Variants in CCDC102B observed in about 807,000 individuals in gnomAD.
CCDC102B encodes the protein coiled-coil domain containing 102B.
In CCDC102B, 75 loss-of-function variants were observed where a neutral mutation model predicts 57.4. The observed-to-expected ratio is 1.31, with a 90% CI of 1.08 to 1.58. The LOEUF (loss-of-function observed/expected upper bound fraction) is 1.58, where lower values mean the gene tolerates loss of function less well. Among genes scored for constraint, CCDC102B ranks in the 40% most tolerant of loss-of-function variants. The pLI is 0.00. For missense variants in CCDC102B, 636 were observed against 582.6 expected, an observed-to-expected ratio of 1.09 and a Z score of -0.94; for synonymous variants, 206 against 201.9, an observed-to-expected ratio of 1.02 and a Z score of -0.17.
intron 1 of CCDC102B, among the ~76,000 whole-genome samples, chr18:68,806,924 T>C (rs545094286): frequency 6.6e-6 from 1 of 152,278 alleles, no homozygotes; most frequent in East Asian, 1.9e-4. Context: ...TAACTACATC[T>C]GATAGGTGAC....
chr18:68,882,533 T>A (rs974344885), intron 5 of CCDC102B, among the ~76,000 whole-genome samples: 1 of 152,238 alleles, frequency 6.6e-6, no homozygotes, highest in Admixed American at 6.5e-5. Context: ...TTGATAGAAA[T>A]TGGATTAAGT....
intron 5 of CCDC102B, among the ~76,000 whole-genome samples, chr18:68,876,708 G>T: frequency 6.6e-6 from 1 of 152,160 alleles, no homozygotes. Context: ...GGTTAATTCA[G>T]AAGACTGTTA....
At chr18:68,834,432 CAT>C (rs67872866) in intron 1 of CCDC102B, among the ~76,000 whole-genome samples, 19,196 of 137,648 alleles carry the variant, frequency 0.14, 1,385 homozygotes, top group East Asian at 0.32. Context: ...TATGTAAATA[CAT>C]ATATATATAT....
chr18:69,003,479 T>C (rs141705051), intron 6 of CCDC102B, among the ~76,000 whole-genome samples: 1 of 152,230 alleles, frequency 6.6e-6, no homozygotes, highest in African/African-American at 2.4e-5. Context: ...TTTGTGATTA[T>C]AAAATAGCAA....
chr18:68,919,001 C>T (rs1160926801), intron 6 of CCDC102B, among the ~76,000 whole-genome samples: 1 of 152,020 alleles, frequency 6.6e-6, no homozygotes, highest in African/African-American at 2.4e-5. Flanking sequence ...ATTATCACAT[C>T]TATGTGCACA....
chr18:69,025,586 T>A (rs1327520428), intron 7 of CCDC102B, among the ~76,000 whole-genome samples: 1 of 152,224 alleles, frequency 6.6e-6, no homozygotes, highest in Non-Finnish European at 1.5e-5. Flanking sequence ...GCAAGTCATA[T>A]TTTATTTCTG....
In CCDC102B at chr18:68,837,360, A is replaced by AAATAT. The variant is rs777606719; in HGVS notation, c.601_602insTAATA (p.Asn201IlefsTer13). ...GACAATTTTCTACAAAGGAGGACAC[A>AAATAT]AATAATAAGGTAAGAAAAAAATCCA... On this transcript the variant is annotated frameshift_variant, in exon 2 of 8. Transcript: ENST00000360242. LOFTEE classifies it high-confidence loss of function. 1.5e-5 allele frequency: 24 copies of AAATAT among 1,605,898 alleles called. No individual in the cohort carries two copies. Among genetic ancestry groups the AAATAT allele is most frequent in the Non-Finnish European group, 1.9e-5 (22 of 1,176,016 alleles).
chr18:68,888,886 T>C (rs1257446491), intron 5 of CCDC102B, among the ~76,000 whole-genome samples: 1 of 152,154 alleles, frequency 6.6e-6, no homozygotes, highest in African/African-American at 2.4e-5. Flanking sequence ...TTTATTGTTT[T>C]CTCCAGAAAC....
intron 7 of CCDC102B, among the ~76,000 whole-genome samples, chr18:69,034,342 AG>A (rs1222384547): frequency 6.6e-6 from 1 of 151,932 alleles, no homozygotes; most frequent in Non-Finnish European, 1.5e-5. Flanking sequence ...TTATAGTTTT[AG>A]CTCTCACATT....
intron 4 of CCDC102B, among the ~76,000 whole-genome samples, chr18:68,871,091 G>A (rs529588341): frequency 6.6e-6 from 1 of 152,172 alleles, no homozygotes; most frequent in East Asian, 1.9e-4. Context: ...CAAGGATATG[G>A]CAAATTGCCT....
chr18:68,975,628 T>G (rs567095113), intron 6 of CCDC102B, among the ~76,000 whole-genome samples: 78 of 151,982 alleles, frequency 5.1e-4, no homozygotes, highest in Non-Finnish European at 9.6e-4. Context: ...CAAGTTGAAG[T>G]GCGTGGTTTG....
chr18:68,764,899 T>C (rs2034372975), intron 2 of CCDC102B, among the ~76,000 whole-genome samples: 1 of 148,448 alleles, frequency 6.7e-6, no homozygotes, highest in African/African-American at 2.5e-5. Flanking sequence ...AAAAAAAAAA[T>C]AGCTGGGCGT....
At chr18:68,803,719 C>T (rs2035934345) in intron 1 of CCDC102B, among the ~76,000 whole-genome samples, 1 of 145,682 alleles carries the variant, frequency 6.9e-6, no homozygotes, top group Admixed American at 6.7e-5. Context: ...CATTTTTTGC[C>T]ATTACTTTCA....
intron 6 of CCDC102B, among the ~76,000 whole-genome samples, chr18:68,908,924 G>T (rs1206965851): frequency 6.6e-6 from 1 of 152,016 alleles, no homozygotes; most frequent in Non-Finnish European, 1.5e-5. Context: ...GGCTCTTCTT[G>T]TACTGATCCA....
intron 6 of CCDC102B, among the ~76,000 whole-genome samples, chr18:68,973,533 T>C (rs2050353746): frequency 6.6e-6 from 1 of 152,126 alleles, no homozygotes; most frequent in Non-Finnish European, 1.5e-5. Flanking sequence ...TACACTGATA[T>C]CAGTCTAGGA....
At chr18:68,785,747 G>A (rs2035183136) in intron 2 of CCDC102B, among the ~76,000 whole-genome samples, 1 of 149,840 alleles carries the variant, frequency 6.7e-6, no homozygotes, top group Non-Finnish European at 1.5e-5. Flanking sequence ...CAGATGAGTA[G>A]GTTGCGAAAA....
At chr18:68,721,042 C>T (rs1340791716) in intron 2 of CCDC102B, 1 of 152,216 alleles carries the variant, frequency 6.6e-6, no homozygotes, top group Non-Finnish European at 1.5e-5. Flanking sequence ...CCCCTGCCCT[C>T]CAGCCTGTGG....
chr18:68,948,068 T>C (rs945121530), intron 6 of CCDC102B, among the ~76,000 whole-genome samples: 2 of 152,144 alleles, frequency 1.3e-5, no homozygotes, highest in African/African-American at 2.4e-5. Context: ...GCAATATATA[T>C]ACTCCATTTG....
chr18:68,757,204 T>C (rs2034081241), intron 2 of CCDC102B, among the ~76,000 whole-genome samples: 1 of 152,170 alleles, frequency 6.6e-6, no homozygotes. Flanking sequence ...CATACTGTGC[T>C]TGCTTACGTA....
Sources: allele counts gnomAD v4.1 joint callset (sites outside exome capture counted in the v4.1 genomes callset), GRCh38; gene constraint gnomAD v4.1.1; transcripts MANE v1.5; gene names NCBI Gene and HGNC (gene_info 2026-07-23, HGNC 2026-07-21).